The following MALRD1 variants were observed in gnomAD, a reference collection of about 807,000 sequenced individuals.
The protein encoded by MALRD1 is MAM and LDL-receptor class A domain-containing protein 1.
Under a neutral mutation model 242.1 loss-of-function variants are expected in MALRD1, and 247 were observed. The observed-to-expected ratio is 1.02, with a 90% CI of 0.92 to 1.13. MALRD1 has a LOEUF of 1.13. Ranked by LOEUF, MALRD1 falls within the 50% of genes most tolerant of loss-of-function variation. The pLI is 0.00. For synonymous variants in MALRD1, 995 were observed against 866.6 expected, an observed-to-expected ratio of 1.15 and a Z score of -2.60; for missense variants, 2,989 against 2,533.1, an observed-to-expected ratio of 1.18 and a Z score of -3.86.
intron 28 of MALRD1, among the ~76,000 whole-genome samples, chr10:19,420,184 A>T (rs1304078075): frequency 6.6e-6 from 1 of 152,136 alleles, no homozygotes; most frequent in Non-Finnish European, 1.5e-5. Context: ...TAGACTGAGC[A>T]GGCTAAACTA....
chr10:19,393,921 T>G (rs1846459275), intron 28 of MALRD1, among the ~76,000 whole-genome samples: 1 of 152,198 alleles, frequency 6.6e-6, no homozygotes. Context: ...CAACCAGCCT[T>G]TTGAATAAAA....
chr10:19,638,184 G>T (rs979047459), intron 36 of MALRD1, among the ~76,000 whole-genome samples: 2 of 150,004 alleles, frequency 1.3e-5, no homozygotes, highest in African/African-American at 4.9e-5. Flanking sequence ...CAAAAGGACA[G>T]CCAAGGTTTT....
At chr10:19,532,603 T>G (rs1834469276) in intron 32 of MALRD1, among the ~76,000 whole-genome samples, 1 of 152,058 alleles carries the variant, frequency 6.6e-6, no homozygotes, top group African/African-American at 2.4e-5. Flanking sequence ...AGATTCTCTG[T>G]GGTCAACCAA....
chr10:19,298,509 A>AAAAGGG (rs374325353), intron 21 of MALRD1, among the ~76,000 whole-genome samples: 213 of 152,056 alleles, frequency 1.4e-3, no homozygotes, highest in African/African-American at 4.6e-3. Context: ...AAGCAAGGGG[A>AAAAGGG]AAAGGGAAAG....
intron 4 of MALRD1, among the ~76,000 whole-genome samples, chr10:19,094,995 A>C (rs753495970): frequency 2.0e-5 from 3 of 152,198 alleles, no homozygotes; most frequent in Non-Finnish European, 4.4e-5. Context: ...TTTATTCCTT[A>C]AAACTTTCTA....
intron 33 of MALRD1, among the ~76,000 whole-genome samples, chr10:19,588,776 G>T (rs1837587830): frequency 6.6e-6 from 1 of 152,158 alleles, no homozygotes; most frequent in African/African-American, 2.4e-5. Context: ...CCAAGTAGCT[G>T]GGATTACAGC....
intron 36 of MALRD1, among the ~76,000 whole-genome samples, chr10:19,633,113 TC>T (rs1839979939): frequency 6.6e-6 from 1 of 152,098 alleles, no homozygotes; most frequent in African/African-American, 2.4e-5. Context: ...GCACCTGTAA[TC>T]ACAGCTATTC....
At chr10:19,430,977 C>A (rs1462897838) in intron 28 of MALRD1, among the ~76,000 whole-genome samples, 1 of 152,072 alleles carries the variant, frequency 6.6e-6, no homozygotes, top group Non-Finnish European at 1.5e-5. Flanking sequence ...GGATTCTAAT[C>A]TTTAGTTAAT....
In MALRD1 at chr10:19,175,277, G is replaced by A. The variant is rs868841434; in HGVS notation, c.1900G>A (p.Glu634Lys). ...VALDDISVSQ[E>K]CEISYKSLPR... Reference sequence around the variant, plus strand: ...TCTAGATGACATCAGTGTGTCCCAGGAATGTGAAATTTCCTATAAATCACT... The same window carrying A: ...TCTAGATGACATCAGTGTGTCCCAGAAATGTGAAATTTCCTATAAATCACT... Residue 634 changes from glutamate (E) to lysine (K), a missense_variant, in exon 14 of 40, where the codon GAA becomes AAA. Glu to Lys is a moderately conservative substitution (Grantham distance 56). Transcript: ENST00000454679. 3.8e-5 allele frequency: 47 copies of A among 1,230,602 alleles called. No homozygotes were observed. In the Middle Eastern group the frequency reaches 2.2e-3, roughly 57 times the overall value. The allele number at this position is 1,230,602 out of a possible 1,614,324, so 76.2% of individuals were successfully genotyped here.
At chr10:19,336,336 C>A (rs535774623) in intron 24 of MALRD1, among the ~76,000 whole-genome samples, 8 of 152,204 alleles carry the variant, frequency 5.3e-5, no homozygotes, top group Middle Eastern at 3.4e-3. Flanking sequence ...CAGAGTATCT[C>A]AAGCATTCTC....
chr10:19,388,078 A>G (rs919573039), intron 27 of MALRD1, among the ~76,000 whole-genome samples: 14 of 152,238 alleles, frequency 9.2e-5, no homozygotes, highest in African/African-American at 3.1e-4. Flanking sequence ...GTCCCCTCTT[A>G]GATTCTGGTA....
chr10:19,449,356 T>C (rs1288335228), intron 28 of MALRD1, among the ~76,000 whole-genome samples: 1 of 152,154 alleles, frequency 6.6e-6, no homozygotes, highest in Non-Finnish European at 1.5e-5. Flanking sequence ...TTTGTATTTT[T>C]AGTAGAGATG....
chr10:19,457,830 C>A (rs1046542725), intron 29 of MALRD1, among the ~76,000 whole-genome samples: 1 of 150,862 alleles, frequency 6.6e-6, no homozygotes, highest in Non-Finnish European at 1.5e-5. Context: ...TTTAATAGTA[C>A]TAGTTTAAGT....
At chr10:19,074,214 C>T (rs1047823431) in intron 2 of MALRD1, among the ~76,000 whole-genome samples, 3 of 152,058 alleles carry the variant, frequency 2.0e-5, no homozygotes, top group African/African-American at 7.2e-5. Context: ...GTTGACAATC[C>T]TATTTCTGCC....
At chr10:19,426,210 T>G (rs1002094303) in intron 28 of MALRD1, among the ~76,000 whole-genome samples, 1 of 152,160 alleles carries the variant, frequency 6.6e-6, no homozygotes, top group East Asian at 1.9e-4. Flanking sequence ...TGTGACAGTT[T>G]TCATGTTTCA....
chr10:19,049,832 C>T (rs1000293077), intron 1 of MALRD1, among the ~76,000 whole-genome samples: 22 of 152,212 alleles, frequency 1.4e-4, no homozygotes, highest in Non-Finnish European at 2.5e-4. Flanking sequence ...CAGGAAGAAG[C>T]TTACCAAGGG....
rs531143630 is a variant in MALRD1 at position 19,124,459 on chromosome 10, A to G, written c.797-65A>G. 32 of 1,216,068 alleles carry G rather than the reference A, an allele frequency of 2.6e-5. No individual in the cohort carries two copies. In the South Asian group the frequency reaches 6.3e-4, roughly 24 times the overall value. The allele number at this position is 1,216,068 out of a possible 1,614,324, so 75.3% of individuals were successfully genotyped here. Reference sequence around the variant, plus strand: ...TAAGCTTTTTGGTTGATTACAACACATAACTTGGTTAAGCAGCCACTCTAG... The same window carrying G: ...TAAGCTTTTTGGTTGATTACAACACGTAACTTGGTTAAGCAGCCACTCTAG... On this transcript the variant is annotated intron_variant, in intron 6 of 39. Coordinates refer to ENST00000454679, the MANE Select transcript of MALRD1 (RefSeq NM_001142308.3).
At chr10:19,220,314 C>T (rs765047357) in intron 18 of MALRD1, among the ~76,000 whole-genome samples, 1 of 152,050 alleles carries the variant, frequency 6.6e-6, no homozygotes, top group Non-Finnish European at 1.5e-5. Flanking sequence ...GAGCCAGGCT[C>T]AACTTGTAGA....
At chr10:19,265,845 T>A (rs1389726412) in intron 19 of MALRD1, among the ~76,000 whole-genome samples, 1 of 152,058 alleles carries the variant, frequency 6.6e-6, no homozygotes, top group South Asian at 2.1e-4. Flanking sequence ...ATTGTTTTGC[T>A]GTCTCTTTCT....
Sources: allele counts gnomAD v4.1 joint callset (sites outside exome capture counted in the v4.1 genomes callset), GRCh38; gene constraint gnomAD v4.1.1; transcripts MANE v1.5; gene names NCBI Gene and HGNC (gene_info 2026-07-23, HGNC 2026-07-21).